The following NCOA1 variants were observed in gnomAD, a reference collection of about 807,000 sequenced individuals.
The protein encoded by NCOA1 is Hin-2 protein.
NCOA1 carries 35 observed loss-of-function variants against 150.9 expected under a neutral mutation model. That is an observed-to-expected ratio of 0.23 (90% CI 0.18 to 0.31). The LOEUF is 0.31. Among genes scored for constraint, NCOA1 ranks in the 10% least tolerant of loss-of-function variants. The pLI is 1.00. For missense variants in NCOA1, 1,491 were observed against 1,749.3 expected (o/e 0.85, Z 2.63); for synonymous variants, 590 against 630.0 (o/e 0.94, Z 0.95).
intron 1 of NCOA1, among the ~76,000 whole-genome samples, chr2:24,512,815 C>G (rs967640264): frequency 6.6e-6 from 1 of 152,190 alleles, no homozygotes; most frequent in Non-Finnish European, 1.5e-5. Context: ...GTGCTTTGCA[C>G]CTATAGATCT....
chr2:24,537,498 G>GTCTC (rs536590199), intron 1 of NCOA1, among the ~76,000 whole-genome samples: 2 of 149,530 alleles, frequency 1.3e-5, no homozygotes, highest in African/African-American at 2.4e-5. Flanking sequence ...GTGTGTGTGT[G>GTCTC]TCTCTCTCTC....
At chr2:24,500,758 G>C (rs928252367) in intron 1 of NCOA1, among the ~76,000 whole-genome samples, 1 of 152,146 alleles carries the variant, frequency 6.6e-6, no homozygotes, top group Non-Finnish European at 1.5e-5. Flanking sequence ...TAAGTGCTAT[G>C]TTACCTAGCA....
chr2:24,594,271 C>T (rs1030993768), intron 3 of NCOA1, among the ~76,000 whole-genome samples: 3 of 152,006 alleles, frequency 2.0e-5, no homozygotes, highest in Middle Eastern at 3.4e-3. Context: ...ATTATGATTT[C>T]GTAACTTACT....
chr2:24,665,749 C>T lies in NCOA1; in HGVS notation c.90C>T (p.Ser30=). The T allele has an allele frequency of 6.5e-7, 1 of 1,542,896 alleles. No individual in the cohort carries two copies. Residue 30 remains serine (S), a splice_region_variant and synonymous_variant, in exon 6 of 23, where the codon AGC becomes AGT. Transcript: ENST00000348332. ...KGSPCDTLAS[S]TEKRRREQEN... is the part of the protein sequence containing the mutation. Reference sequence around the variant, plus strand: ...TAACTGGATTTTCTTTGTGTAACAGCACGGAAAAGAGGCGCAGGGAGCAAG... The same window carrying T: ...TAACTGGATTTTCTTTGTGTAACAGTACGGAAAAGAGGCGCAGGGAGCAAG...
At chr2:24,618,133 A>G (rs1668956552) in intron 3 of NCOA1, among the ~76,000 whole-genome samples, 1 of 152,210 alleles carries the variant, frequency 6.6e-6, no homozygotes, top group Non-Finnish European at 1.5e-5. Flanking sequence ...GTATTTTCCA[A>G]AGTTGTGTAG....
chr2:24,754,008 C>T (rs936503284), intron 20 of NCOA1, among the ~76,000 whole-genome samples: 1 of 152,176 alleles, frequency 6.6e-6, no homozygotes, highest in African/African-American at 2.4e-5. Flanking sequence ...CAGTAAATGA[C>T]AATTCCATTT....
chr2:24,547,802 C>T (rs760731665), intron 1 of NCOA1, among the ~76,000 whole-genome samples: 8 of 151,834 alleles, frequency 5.3e-5, no homozygotes, highest in South Asian at 2.1e-4. Context: ...TGCTGACTAA[C>T]GTGGTGAAAC....
At chr2:24,597,779 CT>C (rs895829616) in intron 3 of NCOA1, among the ~76,000 whole-genome samples, 57 of 151,628 alleles carry the variant, frequency 3.8e-4, no homozygotes, top group African/African-American at 9.0e-4. Context: ...ATGTGAATCT[CT>C]TTTTTTTTAT....
At chr2:24,721,150 C>T (rs1674339874) in intron 14 of NCOA1, among the ~76,000 whole-genome samples, 2 of 152,206 alleles carry the variant, frequency 1.3e-5, no homozygotes. Flanking sequence ...TCCTGCCCTT[C>T]AGTCCATCTA....
At chr2:24,526,263 GT>G (rs935029970) in intron 1 of NCOA1, among the ~76,000 whole-genome samples, 33 of 147,194 alleles carry the variant, frequency 2.2e-4, no homozygotes, top group Middle Eastern at 3.5e-3. Flanking sequence ...TTTGCAGTTA[GT>G]TTTTTTTTTA....
intron 3 of NCOA1, among the ~76,000 whole-genome samples, chr2:24,599,513 G>A (rs1217902077): frequency 6.6e-6 from 1 of 152,102 alleles, no homozygotes; most frequent in Non-Finnish European, 1.5e-5. Flanking sequence ...TTCTGCGAAG[G>A]ATTTATGAGT....
At chr2:24,594,137 TA>T (rs1365170149) in intron 3 of NCOA1, among the ~76,000 whole-genome samples, 1 of 152,140 alleles carries the variant, frequency 6.6e-6, no homozygotes, top group African/African-American at 2.4e-5. Context: ...TATAATAATT[TA>T]TAAGTGGAAC....
chr2:24,552,330 TATA>T (rs1665866153), intron 1 of NCOA1, among the ~76,000 whole-genome samples: 1 of 10,516 alleles, frequency 9.5e-5, no homozygotes, highest in African/African-American at 2.6e-4. Flanking sequence ...ATTATATATA[TATA>T]TATATATATA....
chr2:24,740,192 A>AATATGG (rs1427183052), intron 18 of NCOA1, among the ~76,000 whole-genome samples: 11 of 152,210 alleles, frequency 7.2e-5, no homozygotes, highest in African/African-American at 2.7e-4. Flanking sequence ...TCCTCTCCAC[A>AATATGG]ATATGGAACT....
At chr2:24,522,978 C>T (rs188803153) in intron 1 of NCOA1, among the ~76,000 whole-genome samples, 304 of 152,182 alleles carry the variant, frequency 2.0e-3, no homozygotes, top group African/African-American at 7.1e-3. Flanking sequence ...TAGAAGTGAG[C>T]ACTTTTTGAG....
At chr2:24,669,948 G>A (rs1428883925) in intron 6 of NCOA1, among the ~76,000 whole-genome samples, 2 of 152,156 alleles carry the variant, frequency 1.3e-5, no homozygotes, top group African/African-American at 4.8e-5. Flanking sequence ...GACCAGCCTG[G>A]ACAACATAGC....
At chr2:24,688,531 G>T (rs573806266) in intron 8 of NCOA1, among the ~76,000 whole-genome samples, 1 of 152,062 alleles carries the variant, frequency 6.6e-6, no homozygotes, top group South Asian at 2.1e-4. Flanking sequence ...TCACATGCTT[G>T]TTGGCCATAT....
chr2:24,733,715 C>A (rs918455436), intron 17 of NCOA1, among the ~76,000 whole-genome samples: 9 of 150,028 alleles, frequency 6.0e-5, no homozygotes. Context: ...CTGCACTCCA[C>A]CCTGAGTGAC....
chr2:24,527,010 C>T (rs1664680686), intron 1 of NCOA1, among the ~76,000 whole-genome samples: 1 of 152,140 alleles, frequency 6.6e-6, no homozygotes, highest in African/African-American at 2.4e-5. Context: ...AACCATTTTA[C>T]ATAAGGAAGT....
Sources: allele counts gnomAD v4.1 joint callset (sites outside exome capture counted in the v4.1 genomes callset), GRCh38; gene constraint gnomAD v4.1.1; transcripts MANE v1.5; gene names NCBI Gene and HGNC (gene_info 2026-07-23, HGNC 2026-07-21).